PTPRD: variants seen among roughly 807,000 people sequenced by gnomAD.
PTPRD encodes protein tyrosine phosphatase receptor type D.
PTPRD carries 34 observed loss-of-function variants against 214.5 expected under a neutral mutation model. The ratio of observed to expected loss-of-function variants is 0.16; its 90% confidence interval spans 0.12 to 0.21. The LOEUF is 0.21. Among genes scored for constraint, PTPRD ranks in the 10% least tolerant of loss-of-function variants. PTPRD has a pLI of 1.00. For missense variants in PTPRD, 2,545 were observed against 2,398.7 expected, an observed-to-expected ratio of 1.06 and a Z score of -1.27; for synonymous variants, 1,128 against 845.7, an observed-to-expected ratio of 1.33 and a Z score of -5.79.
At chr9:9,670,209 G>C (rs572103730) in intron 7 of PTPRD, among the ~76,000 whole-genome samples, 1 of 152,276 alleles carries the variant, frequency 6.6e-6, no homozygotes, top group East Asian at 1.9e-4. Flanking sequence ...GACCAGGGAA[G>C]CTGAGGGGAA....
intron 10 of PTPRD, among the ~76,000 whole-genome samples, chr9:9,103,904 C>T (rs1052237332): frequency 6.6e-6 from 1 of 152,024 alleles, no homozygotes; most frequent in Non-Finnish European, 1.5e-5. Context: ...ATCGCTGGAG[C>T]CTTGGGAGGC....
intron 4 of PTPRD, among the ~76,000 whole-genome samples, chr9:9,973,730 G>T (rs564613680): frequency 6.6e-6 from 1 of 152,234 alleles, no homozygotes; most frequent in Admixed American, 6.5e-5. Context: ...AGCTAAGAAA[G>T]GATATATTGG....
intron 3 of PTPRD, among the ~76,000 whole-genome samples, chr9:10,162,303 G>A (rs1025945042): frequency 3.3e-5 from 5 of 151,472 alleles, no homozygotes; most frequent in African/African-American, 1.2e-4. Flanking sequence ...CTAATTGCCT[G>A]TCAATGTATG....
chr9:9,341,799 T>G (rs544254003), intron 9 of PTPRD, among the ~76,000 whole-genome samples: 2 of 151,850 alleles, frequency 1.3e-5, no homozygotes, highest in Admixed American at 6.6e-5. Flanking sequence ...AAGATTTTAT[T>G]TATTATTATT....
intron 2 of PTPRD, among the ~76,000 whole-genome samples, chr9:10,570,270 T>G (rs148293210): frequency 6.6e-6 from 1 of 152,072 alleles, no homozygotes; most frequent in Admixed American, 6.6e-5. Context: ...CAAGTAATAA[T>G]ACATTATCAG....
At chr9:9,118,376 T>A (rs2099814334) in intron 10 of PTPRD, among the ~76,000 whole-genome samples, 1 of 152,290 alleles carries the variant, frequency 6.6e-6, no homozygotes, top group East Asian at 1.9e-4. Context: ...ACTGACCATT[T>A]TCTGCAGAAG....
intron 14 of PTPRD, among the ~76,000 whole-genome samples, chr9:8,560,691 C>T (rs1303328033): frequency 6.6e-6 from 1 of 152,058 alleles, no homozygotes; most frequent in East Asian, 1.9e-4. Flanking sequence ...AAACAGGACC[C>T]TTTAAAGACT....
At chr9:9,419,119 G>C (rs1031354170) in intron 8 of PTPRD, among the ~76,000 whole-genome samples, 18 of 120,830 alleles carry the variant, frequency 1.5e-4, no homozygotes, top group African/African-American at 5.1e-4. Flanking sequence ...TCTAAAGATA[G>C]GCCCCTTATA....
intron 8 of PTPRD, among the ~76,000 whole-genome samples, chr9:9,468,470 A>C (rs1433543176): frequency 2.0e-5 from 3 of 152,010 alleles, no homozygotes; most frequent in Non-Finnish European, 4.4e-5. Flanking sequence ...TCTTTATCCT[A>C]GTCTTCCAAA....
intron 12 of PTPRD, among the ~76,000 whole-genome samples, chr9:8,657,351 T>C (rs572280841): frequency 1.8e-4 from 27 of 152,116 alleles, no homozygotes; most frequent in African/African-American, 5.3e-4. Flanking sequence ...GTACTTTTAG[T>C]AGAGACAGGG....
At chr9:8,648,428 C>T (rs994236851) in intron 12 of PTPRD, among the ~76,000 whole-genome samples, 1 of 152,146 alleles carries the variant, frequency 6.6e-6, no homozygotes, top group Non-Finnish European at 1.5e-5. Context: ...AAGAAGATGG[C>T]CTAAGTGGTT....
chr9:9,894,783 C>G (rs1040983848), intron 5 of PTPRD, among the ~76,000 whole-genome samples: 1 of 152,006 alleles, frequency 6.6e-6, no homozygotes, highest in African/African-American at 2.4e-5. Flanking sequence ...ACCCTAGTGC[C>G]AGCACAGTAC....
At chr9:10,570,188 T>C (rs2066985764) in intron 2 of PTPRD, among the ~76,000 whole-genome samples, 1 of 152,202 alleles carries the variant, frequency 6.6e-6, no homozygotes, top group African/African-American at 2.4e-5. Flanking sequence ...TAATCTGTTT[T>C]TGCATTTGTT....
At chr9:9,431,890 C>T (rs1019784069) in intron 8 of PTPRD, among the ~76,000 whole-genome samples, 9 of 116,054 alleles carry the variant, frequency 7.8e-5, no homozygotes, top group African/African-American at 3.2e-4. Flanking sequence ...ACATCACACA[C>T]CGCGGCCTGT....
At chr9:9,113,183 C>G (rs980131617) in intron 10 of PTPRD, among the ~76,000 whole-genome samples, 8 of 151,758 alleles carry the variant, frequency 5.3e-5, no homozygotes, top group African/African-American at 1.7e-4. Context: ...ACTATGTTGC[C>G]CAGACTGGTC....
In PTPRD at chr9:9,679,890, C is replaced by T. The variant is rs539034128; in HGVS notation, c.-287+54643G>A. 2.5e-3 allele frequency among the ~76,000 whole-genome samples: 385 copies of T among 151,872 alleles called. 2 individuals carry two copies. Among genetic ancestry groups the T allele is most frequent in the African/African-American group, 8.7e-3 (362 of 41,476 alleles). ...ATAATTTTCAGAATAAATAACAGCA[C>T]ATTGGAGTAAAATAGTGTGCTTATA... On this transcript the variant is annotated intron_variant, in intron 7 of 45. Transcript: ENST00000381196.
chr9:8,501,407 C>A (rs955948790), intron 23 of PTPRD, among the ~76,000 whole-genome samples: 9 of 152,142 alleles, frequency 5.9e-5, no homozygotes, highest in African/African-American at 2.2e-4. Flanking sequence ...ACTATACTGA[C>A]TACCCAGCTT....
At chr9:8,720,316 G>A (rs779200461) in intron 12 of PTPRD, among the ~76,000 whole-genome samples, 6 of 152,220 alleles carry the variant, frequency 3.9e-5, no homozygotes, top group Non-Finnish European at 5.9e-5. Flanking sequence ...ATATGTCAGA[G>A]AGTGAAAGTA....
chr9:8,342,427 T>C (rs1853327728), intron 39 of PTPRD, among the ~76,000 whole-genome samples: 1 of 152,134 alleles, frequency 6.6e-6, no homozygotes, highest in African/African-American at 2.4e-5. Context: ...AGATTGTTTT[T>C]ACAGTCTCAA....
Sources: gnomAD v4.1 joint callset for allele counts (sites outside exome capture counted in the v4.1 genomes callset) on GRCh38, gnomAD v4.1.1 for gene constraint, MANE v1.5 for transcripts, NCBI Gene and HGNC (gene_info 2026-07-23, HGNC 2026-07-21) for gene names.